The following CNTN5 variants were observed in gnomAD, a reference collection of about 807,000 sequenced individuals.
The protein encoded by CNTN5 is contactin-5.
Under a neutral mutation model 129.1 loss-of-function variants are expected in CNTN5, and 77 were observed. The observed-to-expected ratio is 0.60, with a 90% CI of 0.50 to 0.72. The LOEUF is 0.72. Among genes scored for constraint, CNTN5 ranks in the 30% least tolerant of loss-of-function variants. CNTN5 has a pLI of 0.00. For missense variants in CNTN5, 1,478 were observed against 1,328.8 expected, an observed-to-expected ratio of 1.11 and a Z score of -1.75; for synonymous variants, 509 against 465.6, an observed-to-expected ratio of 1.09 and a Z score of -1.20.
At chr11:99,910,526 C>T (rs1426538293) in intron 6 of CNTN5, among the ~76,000 whole-genome samples, 1 of 151,914 alleles carries the variant, frequency 6.6e-6, no homozygotes, top group African/African-American at 2.4e-5. Context: ...TTTAAAATTC[C>T]TAAAATTAGT....
At chr11:99,559,452 C>G (rs1318878550) in intron 3 of CNTN5, among the ~76,000 whole-genome samples, 1 of 152,056 alleles carries the variant, frequency 6.6e-6, no homozygotes, top group African/African-American at 2.4e-5. Flanking sequence ...CAAGAACAGG[C>G]AACCTTATAT....
intron 24 of CNTN5, among the ~76,000 whole-genome samples, chr11:100,353,112 C>T (rs1424964636): frequency 6.6e-6 from 1 of 151,596 alleles, no homozygotes; most frequent in African/African-American, 2.4e-5. Flanking sequence ...GTACTTATGA[C>T]AACCTTAATT....
At chr11:99,653,627 G>C (rs1171586506) in intron 3 of CNTN5, among the ~76,000 whole-genome samples, 1 of 151,962 alleles carries the variant, frequency 6.6e-6, no homozygotes, top group Non-Finnish European at 1.5e-5. Context: ...AATGTAAATT[G>C]GTCTGTCACC....
intron 17 of CNTN5, among the ~76,000 whole-genome samples, chr11:100,257,249 G>A (rs1017549541): frequency 6.6e-6 from 1 of 152,108 alleles, no homozygotes; most frequent in Non-Finnish European, 1.5e-5. Flanking sequence ...CTTCCTCTCT[G>A]GGCAGGGCAT....
chr11:99,568,573 T>C (rs1296204610), intron 3 of CNTN5, among the ~76,000 whole-genome samples: 1 of 152,152 alleles, frequency 6.6e-6, no homozygotes, highest in Non-Finnish European at 1.5e-5. Flanking sequence ...CTTTGGAATA[T>C]AAAGTGGAAA....
chr11:99,855,941 A>G (rs1307118527), intron 6 of CNTN5, among the ~76,000 whole-genome samples: 2 of 152,330 alleles, frequency 1.3e-5, no homozygotes, highest in East Asian at 3.9e-4. Context: ...TAATAAAACT[A>G]GAAACCAATA....
At chr11:99,071,376 T>C (rs991496827) in intron 1 of CNTN5, among the ~76,000 whole-genome samples, 1 of 152,058 alleles carries the variant, frequency 6.6e-6, no homozygotes, top group Non-Finnish European at 1.5e-5. Context: ...ATCATTAAAT[T>C]ATGCATAAAC....
At chr11:99,967,217 C>A (rs371264214) in intron 8 of CNTN5, among the ~76,000 whole-genome samples, 1 of 152,072 alleles carries the variant, frequency 6.6e-6, no homozygotes, top group East Asian at 1.9e-4. Context: ...GAATGTCATA[C>A]CATGAAATGC....
At position 100,224,703 on chromosome 11, in the gene CNTN5, T is replaced by C; in HGVS notation, c.1896T>C (p.Ser632=). The change falls in exon 16 of 25, where the codon TCT becomes TCC. Residue 632 remains serine (S), a synonymous_variant. Coordinates refer to ENST00000524871, the MANE Select transcript of CNTN5 (RefSeq NM_014361.4). ...CATCCCTCTTTCAGCAAGCATCCTC[T>C]GCAGATTTAATGATCAGGAACATCC... ...HFESIRAQAS[S]ADLMIRNILL... 6 of 1,611,730 alleles carry C rather than the reference T, an allele frequency of 3.7e-6. No homozygotes were observed. The highest frequency in any genetic ancestry group is 5.1e-6 in the Non-Finnish European group (6 of 1,178,208).
chr11:100,255,897 G>A lies in CNTN5; in HGVS notation c.2143G>A (p.Gly715Ser). Reference sequence around the variant, plus strand: ...TCAAGCTCGCAGCCCATTTTCCCTGGGCTGGCAAACAGTAAAGACAGGTAA... The same window carrying A: ...TCAAGCTCGCAGCCCATTTTCCCTGAGCTGGCAAACAGTAAAGACAGGTAA... ...NLQARSPFSL[G>S]WQTVKTVPEI... The change falls in exon 17 of 25, where the codon GGC (glycine) becomes AGC (serine). Residue 715 changes from glycine (G) to serine (S), a missense_variant. Coordinates refer to ENST00000524871, the MANE Select transcript of CNTN5 (RefSeq NM_014361.4). 2 of 1,613,724 alleles carry A rather than the reference G, an allele frequency of 1.2e-6. No homozygotes were observed. The highest frequency in any genetic ancestry group is 1.7e-6 in the Non-Finnish European group (2 of 1,179,838).
intron 13 of CNTN5, among the ~76,000 whole-genome samples, chr11:100,100,107 C>G (rs1233604168): frequency 6.6e-6 from 1 of 152,090 alleles, no homozygotes; most frequent in Non-Finnish European, 1.5e-5. Context: ...CTCATATAAT[C>G]TGCTGGGTTT....
intron 3 of CNTN5, among the ~76,000 whole-genome samples, chr11:99,645,519 G>A (rs7121613): frequency 0.6 from 90,324 of 150,720 alleles, 27,862 homozygotes; most frequent in Admixed American, 0.69. Flanking sequence ...TTGGAGCACT[G>A]TTCACAGTAA....
At chr11:99,864,380 C>G (rs974490953) in intron 6 of CNTN5, among the ~76,000 whole-genome samples, 3 of 152,150 alleles carry the variant, frequency 2.0e-5, no homozygotes, top group African/African-American at 7.2e-5. Flanking sequence ...CACTCACTCT[C>G]TGCTATCGTC....
intron 2 of CNTN5, among the ~76,000 whole-genome samples, chr11:99,413,994 A>G (rs758123414): frequency 3.9e-4 from 59 of 152,224 alleles, no homozygotes; most frequent in African/African-American, 1.3e-3. Context: ...TAGAAAACAA[A>G]TTTAATACAG....
At chr11:100,238,378 A>G (rs1949663214) in intron 16 of CNTN5, among the ~76,000 whole-genome samples, 1 of 137,522 alleles carries the variant, frequency 7.3e-6, no homozygotes, top group Admixed American at 8.3e-5. Flanking sequence ...AAGTCATCCT[A>G]CCTCTTTTGG....
chr11:100,003,169 G>C (rs1355153345), intron 9 of CNTN5, among the ~76,000 whole-genome samples: 2 of 152,104 alleles, frequency 1.3e-5, no homozygotes, highest in African/African-American at 4.8e-5. Flanking sequence ...TCTACTTTAA[G>C]TAGAAACAAC....
chr11:99,946,648 C>T (rs1462873490), intron 7 of CNTN5, among the ~76,000 whole-genome samples: 1 of 152,034 alleles, frequency 6.6e-6, no homozygotes, highest in Non-Finnish European at 1.5e-5. Flanking sequence ...TCCATGAAAA[C>T]CTTTCATCCA....
intron 1 of CNTN5, among the ~76,000 whole-genome samples, chr11:99,187,622 A>T (rs1323903046): frequency 6.6e-6 from 1 of 151,836 alleles, no homozygotes; most frequent in Non-Finnish European, 1.5e-5. Context: ...TCTACCAAAA[A>T]TGGTTTCAAA....
intron 9 of CNTN5, among the ~76,000 whole-genome samples, chr11:100,005,734 A>C (rs1402742969): frequency 6.6e-6 from 1 of 152,140 alleles, no homozygotes; most frequent in African/African-American, 2.4e-5. Context: ...GAGATTTATC[A>C]TATCTATAGA....
Sources: allele counts gnomAD v4.1 joint callset (sites outside exome capture counted in the v4.1 genomes callset), GRCh38; gene constraint gnomAD v4.1.1; transcripts MANE v1.5; gene names NCBI Gene and HGNC (gene_info 2026-07-23, HGNC 2026-07-21).